WDR70: variants seen among roughly 807,000 people sequenced by gnomAD.
WDR70 encodes WD repeat domain 70.
Under a neutral mutation model 88.6 loss-of-function variants are expected in WDR70, and 53 were observed. The observed-to-expected ratio is 0.60, with a 90% CI of 0.48 to 0.75. The LOEUF (loss-of-function observed/expected upper bound fraction) is 0.75. Ranked by LOEUF, WDR70 falls within the 30% of genes least tolerant of loss-of-function variation. The pLI is 0.00. For missense variants in WDR70, 610 were observed against 823.2 expected, an observed-to-expected ratio of 0.74 and a Z score of 3.17; for synonymous variants, 280 against 270.0, an observed-to-expected ratio of 1.04 and a Z score of -0.36.
chr5:37,415,514 C>T (rs112627979), intron 5 of WDR70, among the ~76,000 whole-genome samples: 23,631 of 63,172 alleles, frequency 0.37, 9,281 homozygotes, highest in East Asian at 0.76. Context: ...GGGGGCCTGA[C>T]CCCCCCACCT....
chr5:37,585,355 A>T (rs1372967736), intron 9 of WDR70, among the ~76,000 whole-genome samples: 1 of 152,098 alleles, frequency 6.6e-6, no homozygotes, highest in Non-Finnish European at 1.5e-5. Context: ...TTTTGAGAGT[A>T]ATTAGTGGAA....
intron 9 of WDR70, among the ~76,000 whole-genome samples, chr5:37,540,849 C>G (rs950107582): frequency 6.6e-6 from 1 of 152,108 alleles, no homozygotes; most frequent in Non-Finnish European, 1.5e-5. Context: ...GATTTTCTCA[C>G]TCTTTGTGAA....
intron 17 of WDR70, among the ~76,000 whole-genome samples, chr5:37,741,914 A>G (rs1009825995): frequency 1.3e-5 from 2 of 152,176 alleles, no homozygotes; most frequent in African/African-American, 2.4e-5. Context: ...TTCAGGGTTC[A>G]TCTGTATTAC....
chr5:37,660,005 T>C (rs1395578617), intron 10 of WDR70, among the ~76,000 whole-genome samples: 8 of 152,210 alleles, frequency 5.3e-5, no homozygotes, highest in Non-Finnish European at 1.0e-4. Context: ...CAAAATATTT[T>C]CTACTTTTGT....
At chr5:37,748,697 A>G (rs979480590) in intron 17 of WDR70, among the ~76,000 whole-genome samples, 9 of 152,338 alleles carry the variant, frequency 5.9e-5, no homozygotes, top group South Asian at 2.1e-4. Flanking sequence ...GAATGGGAGA[A>G]AATTTTTGCA....
chr5:37,576,061 CCTTCCTTCCTTCCTAA>C (rs1454282485), intron 9 of WDR70, among the ~76,000 whole-genome samples: 2 of 150,634 alleles, frequency 1.3e-5, no homozygotes, highest in Non-Finnish European at 3.0e-5. Context: ...CTTCCAACTT[CCTTCCTTCCTTCCTAA>C]CTTCCTTCCT....
At chr5:37,404,060 T>A (rs1416967415) in intron 5 of WDR70, among the ~76,000 whole-genome samples, 1 of 152,176 alleles carries the variant, frequency 6.6e-6, no homozygotes, top group East Asian at 1.9e-4. Context: ...TTTCTTAATC[T>A]GAATGTAAGA....
chr5:37,567,273 C>G, intron 9 of WDR70, among the ~76,000 whole-genome samples: 1 of 152,060 alleles, frequency 6.6e-6, no homozygotes, highest in East Asian at 1.9e-4. Context: ...AATCCATGGT[C>G]TCAGGAGCAT....
intron 9 of WDR70, among the ~76,000 whole-genome samples, chr5:37,538,281 A>G (rs1741721863): frequency 6.6e-6 from 1 of 152,186 alleles, no homozygotes; most frequent in South Asian, 2.1e-4. Flanking sequence ...TTTGAATACT[A>G]TGACCATGGT....
intron 10 of WDR70, among the ~76,000 whole-genome samples, chr5:37,656,513 G>A (rs970167740): frequency 3.3e-5 from 5 of 152,248 alleles, no homozygotes; most frequent in Admixed American, 2.6e-4. Flanking sequence ...CTGGCAGGCA[G>A]GAACTTTTAA....
At chr5:37,484,834 G>A (rs1466988030) in intron 8 of WDR70, among the ~76,000 whole-genome samples, 2 of 152,198 alleles carry the variant, frequency 1.3e-5, no homozygotes, top group African/African-American at 4.8e-5. Context: ...GACTACCTGA[G>A]GATGTGTTTT....
chr5:37,704,359 C>G (rs571103848), intron 13 of WDR70, among the ~76,000 whole-genome samples: 1 of 152,322 alleles, frequency 6.6e-6, no homozygotes, highest in South Asian at 2.1e-4. Context: ...TTCAGTATCA[C>G]ACTTGATGTA....
chr5:37,548,633 A>G (rs7716464), intron 9 of WDR70, among the ~76,000 whole-genome samples: 78,828 of 151,920 alleles, frequency 0.52, 21,805 homozygotes, highest in Non-Finnish European at 0.61. Context: ...CTGTGCAGAA[A>G]CTTTTTAACT....
At chr5:37,682,439 T>A (rs573705146) in intron 10 of WDR70, among the ~76,000 whole-genome samples, 1 of 152,230 alleles carries the variant, frequency 6.6e-6, no homozygotes, top group East Asian at 1.9e-4. Flanking sequence ...TCAGCACCGA[T>A]TTTGGTTATT....
intron 7 of WDR70, among the ~76,000 whole-genome samples, chr5:37,462,644 A>G (rs548733162): frequency 3.3e-5 from 5 of 152,202 alleles, no homozygotes; most frequent in African/African-American, 1.2e-4. Context: ...GGTTAGCAAT[A>G]ATTAAGACAT....
chr5:37,631,323 A>C (rs1397326511), intron 10 of WDR70, among the ~76,000 whole-genome samples: 1 of 152,206 alleles, frequency 6.6e-6, no homozygotes, highest in African/African-American at 2.4e-5. Flanking sequence ...GAGTTTGCCC[A>C]ATGAAGGCAG....
intron 10 of WDR70, chr5:37,688,021 C>T: frequency 1.5e-6 from 1 of 650,386 alleles, no homozygotes; most frequent in Non-Finnish European, 2.8e-6. Flanking sequence ...CTTTATCTCA[C>T]TTTGTTTACT....
intron 9 of WDR70, among the ~76,000 whole-genome samples, chr5:37,571,727 A>T (rs1742911123): frequency 6.6e-6 from 1 of 152,182 alleles, no homozygotes; most frequent in African/African-American, 2.4e-5. Flanking sequence ...AATTGGCAAC[A>T]TCCCTTCTCC....
chr5:37,514,462 G>C lies in WDR70; in HGVS notation c.841-2052G>C, dbSNP rs184008402. On this transcript the variant is annotated intron_variant, in intron 8 of 17. Coordinates refer to ENST00000265107, the MANE Select transcript of WDR70 (RefSeq NM_018034.4). The stretch of plus-strand genomic sequence containing the variant: ...GTTATATAGGTAAATGTGTGTCATG[G>C]TGATTTGCTGCACAGATCAACCCGT... 2.1e-3 allele frequency among the ~76,000 whole-genome samples: 310 copies of C among 149,296 alleles called. 2 individuals carry two copies. Among genetic ancestry groups the C allele is most frequent in the African/African-American group, 7.4e-3 (300 of 40,608 alleles).
Sources: gnomAD v4.1 joint callset for allele counts (sites outside exome capture counted in the v4.1 genomes callset) on GRCh38, gnomAD v4.1.1 for gene constraint, MANE v1.5 for transcripts, NCBI Gene and HGNC (gene_info 2026-07-23, HGNC 2026-07-21) for gene names.